Variants in CABCOCO1 observed in about 807,000 individuals in gnomAD.
The protein encoded by CABCOCO1 is ciliary-associated calcium-binding coiled-coil protein 1.
In CABCOCO1, 28 loss-of-function variants were observed where a neutral mutation model predicts 35.7. That is an observed-to-expected ratio of 0.78 (90% CI 0.58 to 1.07). CABCOCO1 has a LOEUF of 1.07. Among genes scored for constraint, CABCOCO1 ranks in the 50% least tolerant of loss-of-function variants. The pLI is 0.00. For synonymous variants in CABCOCO1, 95 were observed against 100.1 expected, an observed-to-expected ratio of 0.95 and a Z score of 0.30; for missense variants, 326 against 309.2, an observed-to-expected ratio of 1.05 and a Z score of -0.41.
intron 5 of CABCOCO1, among the ~76,000 whole-genome samples, chr10:61,728,809 C>G (rs887538563): frequency 6.6e-6 from 1 of 152,082 alleles, no homozygotes; most frequent in African/African-American, 2.4e-5. Context: ...ATAGCCAGAG[C>G]CAAGATTCCT....
In CABCOCO1 at chr10:61,764,791, A is replaced by T. The variant is rs74734011; in HGVS notation, c.817-1148A>T. 6.4e-3 allele frequency among the ~76,000 whole-genome samples: 979 copies of T among 152,140 alleles called. 8 individuals are homozygous for T. The highest frequency in any genetic ancestry group is 0.021 in the African/African-American group (872 of 41,522). On this transcript the variant is annotated intron_variant, in intron 7 of 7. Coordinates refer to ENST00000648843, the MANE Select transcript of CABCOCO1 (RefSeq NM_001366906.2). ...CTAAAGCTTGAACCAGAAAAGACTG[A>T]TACTTATGTGAGTTCTGAACCCAGA...
intron 7 of CABCOCO1, among the ~76,000 whole-genome samples, chr10:61,764,953 T>A (rs897999600): frequency 6.6e-6 from 1 of 152,112 alleles, no homozygotes; most frequent in Non-Finnish European, 1.5e-5. Flanking sequence ...ATATGAAAAA[T>A]TATATCTGGG....
intron 5 of CABCOCO1, among the ~76,000 whole-genome samples, chr10:61,704,134 G>A (rs1383715586): frequency 3.3e-5 from 5 of 152,160 alleles, no homozygotes; most frequent in African/African-American, 1.2e-4. Context: ...TGAGTCAGGA[G>A]AATCGCTTGA....
At chr10:61,686,019 A>G in intron 3 of CABCOCO1, 22 bp from the exon 4 acceptor site, 1 of 1,573,908 alleles carries the variant, frequency 6.4e-7, no homozygotes, top group Non-Finnish European at 8.6e-7. Context: ...AATAATTAAG[A>G]TTTCTCTGGA....
At chr10:61,676,060 T>C (rs747659119) in intron 2 of CABCOCO1, among the ~76,000 whole-genome samples, 1 of 152,208 alleles carries the variant, frequency 6.6e-6, no homozygotes, top group Non-Finnish European at 1.5e-5. Flanking sequence ...GCCTCAGACT[T>C]TTCCTTAGCA....
intron 4 of CABCOCO1, among the ~76,000 whole-genome samples, chr10:61,687,441 A>G (rs1390305648): frequency 6.6e-6 from 1 of 152,104 alleles, no homozygotes; most frequent in African/African-American, 2.4e-5. Flanking sequence ...TTCCTTCTCT[A>G]TTTGAACAGT....
intron 5 of CABCOCO1, among the ~76,000 whole-genome samples, chr10:61,707,102 G>C (rs1378889621): frequency 1.3e-5 from 2 of 152,172 alleles, no homozygotes; most frequent in Admixed American, 6.5e-5. Context: ...TTCGAATTGG[G>C]TTGTTCATGT....
At chr10:61,677,669 C>A (rs559686522) in intron 2 of CABCOCO1, among the ~76,000 whole-genome samples, 2 of 152,012 alleles carry the variant, frequency 1.3e-5, no homozygotes, top group Non-Finnish European at 2.9e-5. Flanking sequence ...AACGTTAGGT[C>A]TACCTCCTAA....
In CABCOCO1 at chr10:61,694,265, A is replaced by G. The variant is rs59203260; in HGVS notation, c.552+3644A>G. Among the ~76,000 whole-genome samples the G allele has an allele frequency of 5.2e-3, 769 of 148,462 alleles. 9 individuals carry two copies. Among genetic ancestry groups the G allele is most frequent in the African/African-American group, 0.017 (694 of 40,136 alleles). ...CTGTTGGCCTGGAAGATGGAGGAAGAGGCCACAACTTTATCAACTGTCTTG... is the reference window on the plus strand; with the variant it reads ...CTGTTGGCCTGGAAGATGGAGGAAGGGGCCACAACTTTATCAACTGTCTTG... On this transcript the variant is annotated intron_variant, in intron 5 of 7. Coordinates refer to ENST00000648843, the MANE Select transcript of CABCOCO1 (RefSeq NM_001366906.2).
In CABCOCO1 at chr10:61,718,344, A is replaced by G. The variant is rs377667635; in HGVS notation, c.552+27723A>G. On this transcript the variant is annotated intron_variant, in intron 5 of 7. Transcript: ENST00000648843. ...GGAGGCAGATTAGGGCTACAGTGTC[A>G]TGACAACCAATCAAGTTGTTTGTTT... Among the ~76,000 whole-genome samples the G allele has an allele frequency of 2.6e-5, 4 of 152,316 alleles. No individual in the cohort carries two copies. In the East Asian group the frequency reaches 7.7e-4, roughly 29 times the overall value.
chr10:61,725,650 C>A (rs915247066), intron 5 of CABCOCO1, among the ~76,000 whole-genome samples: 2 of 151,512 alleles, frequency 1.3e-5, no homozygotes, highest in African/African-American at 4.9e-5. Context: ...AGGAGATATA[C>A]CTAATGTAAA....
At chr10:61,709,528 C>T (rs1840675174) in intron 5 of CABCOCO1, among the ~76,000 whole-genome samples, 1 of 151,886 alleles carries the variant, frequency 6.6e-6, no homozygotes, top group Admixed American at 6.6e-5. Context: ...TGCCTAGTGC[C>T]TTCACACAAA....
chr10:61,728,424 C>T (rs1430088967), intron 5 of CABCOCO1, among the ~76,000 whole-genome samples: 1 of 152,126 alleles, frequency 6.6e-6, no homozygotes, highest in Non-Finnish European at 1.5e-5. Flanking sequence ...CCAAATATCA[C>T]CCAGCCCCTG....
At chr10:61,723,236 G>T (rs1006660995) in intron 5 of CABCOCO1, among the ~76,000 whole-genome samples, 3 of 152,100 alleles carry the variant, frequency 2.0e-5, no homozygotes, top group Admixed American at 6.5e-5. Flanking sequence ...TTACAATTTT[G>T]ATATCTTCTT....
At chr10:61,701,793 G>A in intron 5 of CABCOCO1, 1 of 985,002 alleles carries the variant, frequency 1.0e-6, no homozygotes, top group Non-Finnish European at 1.2e-6. Context: ...AAAATAACCT[G>A]GATTTTCCAA....
chr10:61,707,170 A>G (rs1840613133), intron 5 of CABCOCO1, among the ~76,000 whole-genome samples: 1 of 152,088 alleles, frequency 6.6e-6, no homozygotes, highest in Non-Finnish European at 1.5e-5. Flanking sequence ...AGAAATTGGG[A>G]TGCAACACTG....
In CABCOCO1 at chr10:61,720,960, C is replaced by G. The variant is rs1440273755; in HGVS notation, c.552+30339C>G. ...TTTTTTTTGCGACAGAGTCTCACTC[C>G]GTCGCCCAGGCTGGAGTGCGGTGGC... On this transcript the variant is annotated intron_variant, in intron 5 of 7. Coordinates refer to ENST00000648843, the MANE Select transcript of CABCOCO1 (RefSeq NM_001366906.2). 2.9e-5 allele frequency among the ~76,000 whole-genome samples: 3 copies of G among 102,652 alleles called. No individual in the cohort carries two copies. In the South Asian group the frequency reaches 9.6e-4, roughly 33 times the overall value. The allele number at this position is 102,652 out of a possible 152,430, so 67.3% of individuals were successfully genotyped here. A position where few individuals can be genotyped will look rare whatever the true frequency, so the allele number is the denominator to read the frequency against.
At chr10:61,697,262 ATACT>A in intron 5 of CABCOCO1, among the ~76,000 whole-genome samples, 1 of 152,254 alleles carries the variant, frequency 6.6e-6, no homozygotes, top group Non-Finnish European at 1.5e-5. Context: ...CAGAAGGGAA[ATACT>A]TTATTTAAAG....
At chr10:61,663,350 G>A (rs1432579217) in intron 1 of CABCOCO1, among the ~76,000 whole-genome samples, 2 of 151,902 alleles carry the variant, frequency 1.3e-5, no homozygotes, top group African/African-American at 2.4e-5. Context: ...TTCTACCGCA[G>A]GTTTTGTTTT....
Sources: allele counts gnomAD v4.1 joint callset (sites outside exome capture counted in the v4.1 genomes callset), GRCh38; gene constraint gnomAD v4.1.1; transcripts MANE v1.5; gene names NCBI Gene and HGNC (gene_info 2026-07-23, HGNC 2026-07-21).